PCMTD1: variants seen among roughly 807,000 people sequenced by gnomAD.
PCMTD1 encodes the protein protein-L-isoaspartate (D-aspartate) O-methyltransferase domain containing 1, also known as protein-L-isoaspartate O-methyltransferase domain-containing protein 1.
PCMTD1 carries 12 observed loss-of-function variants against 37.6 expected under a neutral mutation model. The ratio of observed to expected loss-of-function variants is 0.32; its 90% CI spans 0.20 to 0.52. PCMTD1 has a LOEUF of 0.52. Ranked by LOEUF, PCMTD1 falls within the 20% of genes least tolerant of loss-of-function variation. PCMTD1 has a pLI of 0.97. For missense variants in PCMTD1, 235 were observed against 421.3 expected (o/e 0.56, Z 3.87); for synonymous variants, 117 against 135.8 (o/e 0.86, Z 0.96).
intron 1 of PCMTD1, among the ~76,000 whole-genome samples, chr8:51,870,936 CT>C (rs936081273): frequency 1.3e-5 from 2 of 152,092 alleles, no homozygotes; most frequent in African/African-American, 4.8e-5. Flanking sequence ...AGGCAAATTA[CT>C]TAATGGGGGA....
At chr8:51,832,790 T>C (rs917497169) in intron 4 of PCMTD1, among the ~76,000 whole-genome samples, 1 of 151,170 alleles carries the variant, frequency 6.6e-6, no homozygotes, top group Admixed American at 6.6e-5. Context: ...ATGAAGATTT[T>C]TTTAGTTCAC....
At chr8:51,891,624 T>C (rs2038937000) in intron 1 of PCMTD1, among the ~76,000 whole-genome samples, 1 of 149,466 alleles carries the variant, frequency 6.7e-6, no homozygotes, top group African/African-American at 2.5e-5. Flanking sequence ...ATAAAGAGAA[T>C]ATATCATTAT....
intron 2 of PCMTD1, among the ~76,000 whole-genome samples, chr8:51,855,197 A>C (rs1243196961): frequency 6.9e-6 from 1 of 144,656 alleles, no homozygotes; most frequent in Admixed American, 7.1e-5. Context: ...AAACAAACAA[A>C]AAAAAAACAT....
Position 51,817,627 on chromosome 8 carries a change from C to T in PCMTD1, c.*2724G>A. ...TATTTAAAATAATTTTCCAAGTCTT[C>T]CAATGATTTAACAGGCTTTGCTTCA... On this transcript the variant is annotated 3_prime_UTR_variant, in exon 6 of 6. Transcript: ENST00000522514. The T allele has an allele frequency of 5.1e-6, 1 of 197,692 alleles. No homozygotes were observed. The highest frequency in any genetic ancestry group is 1.1e-5 in the Non-Finnish European group (1 of 95,078). 12.2% of individuals were successfully genotyped at this position (197,692 alleles called of 1,614,324 possible). A position where few individuals can be genotyped will look rare whatever the true frequency, so the allele number is the denominator to read the frequency against.
At chr8:51,853,243 A>C (rs1180084413) in intron 2 of PCMTD1, among the ~76,000 whole-genome samples, 2 of 152,194 alleles carry the variant, frequency 1.3e-5, no homozygotes, top group African/African-American at 4.8e-5. Flanking sequence ...CAAGAGCCAA[A>C]CCCAGAGAGA....
At chr8:51,899,102 G>C (rs897271840), upstream of PCMTD1, 2 of 1,463,844 alleles carry the variant, frequency 1.4e-6, no homozygotes, top group African/African-American at 1.5e-5. Flanking sequence ...AGCCGCCGGG[G>C]TCCGGGCATG....
rs185815078 is a variant in PCMTD1 at position 51,847,265 on chromosome 8, T to C, written c.308-1502A>G. 2.2e-3 allele frequency among the ~76,000 whole-genome samples: 336 copies of C among 152,318 alleles called. 7 individuals are homozygous for C. The highest frequency in any genetic ancestry group is 0.021 in the Admixed American group (328 of 15,304). Reference sequence around the variant, plus strand: ...ATATTAAATGTAAATATTCTGAGAATTTGAATTTCCATAGATGTCAACATA... The same window carrying C: ...ATATTAAATGTAAATATTCTGAGAACTTGAATTTCCATAGATGTCAACATA... On this transcript the variant is annotated intron_variant, in intron 2 of 5. Transcript: ENST00000522514.
At chr8:51,899,146 G>T, upstream of PCMTD1, 1 of 1,352,890 alleles carries the variant, frequency 7.4e-7, no homozygotes, top group Non-Finnish European at 9.5e-7. Context: ...GCAGCTCCCC[G>T]CGGACGCCAA....
intron 2 of PCMTD1, among the ~76,000 whole-genome samples, chr8:51,851,663 T>C (rs1457633250): frequency 6.6e-6 from 1 of 152,044 alleles, no homozygotes; most frequent in African/African-American, 2.4e-5. Flanking sequence ...AAATTCTTTT[T>C]TTTTTTTTTG....
intron 3 of PCMTD1, among the ~76,000 whole-genome samples, chr8:51,838,072 C>A (rs1429197769): frequency 6.6e-6 from 1 of 152,094 alleles, no homozygotes; most frequent in East Asian, 1.9e-4. Context: ...CAGGCGTGAG[C>A]CACCACACCC....
intron 1 of PCMTD1, among the ~76,000 whole-genome samples, chr8:51,887,569 A>C (rs1358644085): frequency 1.3e-5 from 2 of 152,100 alleles, no homozygotes. Flanking sequence ...GAACACCCTG[A>C]AACTCAATTT....
chr8:51,868,515 G>C (rs1197033517), intron 1 of PCMTD1, among the ~76,000 whole-genome samples: 1 of 152,202 alleles, frequency 6.6e-6, no homozygotes, highest in South Asian at 2.1e-4. Context: ...TTTACAAACT[G>C]TGTTACAAGT....
At chr8:51,860,320 C>CA (rs2038452997) in intron 2 of PCMTD1, among the ~76,000 whole-genome samples, 1 of 152,228 alleles carries the variant, frequency 6.6e-6, no homozygotes, top group African/African-American at 2.4e-5. Context: ...TGATCATTGG[C>CA]ATATGCACAT....
upstream of PCMTD1, chr8:51,899,105 C>CG: frequency 6.9e-7 from 1 of 1,452,854 alleles, no homozygotes; most frequent in South Asian, 1.3e-5. Context: ...CGCCGGGGTC[C>CG]GGGCATGCGC....
At chr8:51,850,764 A>G (rs2038293102) in intron 2 of PCMTD1, among the ~76,000 whole-genome samples, 1 of 152,236 alleles carries the variant, frequency 6.6e-6, no homozygotes, top group Non-Finnish European at 1.5e-5. Context: ...AAATATAAAT[A>G]TAAAAGGATC....
At chr8:51,859,706 G>A (rs2038443594) in intron 2 of PCMTD1, among the ~76,000 whole-genome samples, 1 of 152,040 alleles carries the variant, frequency 6.6e-6, no homozygotes, top group African/African-American at 2.4e-5. Flanking sequence ...ACTGACACTA[G>A]GATAACAGAG....
chr8:51,886,374 T>C (rs796427396), intron 1 of PCMTD1, among the ~76,000 whole-genome samples: 7 of 152,312 alleles, frequency 4.6e-5, no homozygotes, highest in African/African-American at 1.7e-4. Flanking sequence ...ATTACTCCCA[T>C]TCCCCTTAGT....
At chr8:51,881,436 A>G (rs1349809696) in intron 1 of PCMTD1, among the ~76,000 whole-genome samples, 1 of 152,166 alleles carries the variant, frequency 6.6e-6, no homozygotes, top group Non-Finnish European at 1.5e-5. Flanking sequence ...TCCACAGAAA[A>G]ACAGGTCATA....
intron 5 of PCMTD1, among the ~76,000 whole-genome samples, chr8:51,823,446 T>C (rs533252040): frequency 5.3e-5 from 8 of 152,128 alleles, no homozygotes; most frequent in African/African-American, 9.7e-5. Flanking sequence ...GCCTGGGCAA[T>C]AGAGTGAGAC....
Sources: gnomAD v4.1 joint callset for allele counts (sites outside exome capture counted in the v4.1 genomes callset) on GRCh38, gnomAD v4.1.1 for gene constraint, MANE v1.5 for transcripts, NCBI Gene and HGNC (gene_info 2026-07-23, HGNC 2026-07-21) for gene names.